The following RUNX3 variants were observed in gnomAD, a reference collection of about 807,000 sequenced individuals.
RUNX3 encodes runt-related transcription factor 3.
A neutral mutation model predicts 27.7 loss-of-function variants in RUNX3; 10 were observed. The observed-to-expected ratio is 0.36, with a 90% CI of 0.22 to 0.61. The LOEUF (loss-of-function observed/expected upper bound fraction) is 0.61, where lower values mean the gene tolerates loss of function less well. RUNX3 is among the 20% of genes least tolerant of loss of function. RUNX3 has a pLI of 0.72. For missense variants in RUNX3, 469 were observed against 629.5 expected (o/e 0.75, Z 2.73); for synonymous variants, 270 against 269.2 (o/e 1.00, Z -0.03).
intron 3 of RUNX3, among the ~76,000 whole-genome samples, chr1:24,915,293 G>A (rs1265000787): frequency 1.3e-5 from 2 of 152,128 alleles, no homozygotes; most frequent in Non-Finnish European, 2.9e-5. Flanking sequence ...GTGTGGTGGC[G>A]TGTGCCTGTA....
chr1:24,908,192 G>A (rs1412142962), intron 3 of RUNX3, among the ~76,000 whole-genome samples: 3 of 146,884 alleles, frequency 2.0e-5, no homozygotes, highest in Non-Finnish European at 4.5e-5. Flanking sequence ...ACGACACGCG[G>A]TGATCCGAAC....
chr1:24,957,175 C>T (rs1317634002), intron 2 of RUNX3, among the ~76,000 whole-genome samples: 3 of 152,220 alleles, frequency 2.0e-5, no homozygotes, highest in African/African-American at 7.2e-5. Context: ...AAGAAAACCC[C>T]AAAGAGGAAC....
intron 2 of RUNX3, among the ~76,000 whole-genome samples, chr1:24,940,124 G>A (rs1641442635): frequency 6.6e-6 from 1 of 152,182 alleles, no homozygotes; most frequent in South Asian, 2.1e-4. Flanking sequence ...AGGTGGCAGG[G>A]ACCATATGGA....
intron 1 of RUNX3, chr1:24,964,734 T>TC (rs869169260): frequency 6.9e-7 from 1 of 1,445,860 alleles, no homozygotes. Flanking sequence ...GTCTCTTTTT[T>TC]CCCCCCTGCT....
rs547931193 is a variant in RUNX3, at chr1:24,945,221, G to T, written c.59-15369C>A. 3.3e-5 allele frequency among the ~76,000 whole-genome samples: 5 copies of T among 152,174 alleles called. No homozygotes were observed. In the East Asian group the frequency reaches 9.6e-4, roughly 29 times the overall value. ...TTAGTATAAAGTTGCCCCAAATATT[G>T]CAATTATTTATCGTTTATCTGAAAT... On this transcript the variant is annotated intron_variant, in intron 2 of 6. Transcript: ENST00000338888.
At chr1:24,913,698 T>C (rs1557839615) in intron 3 of RUNX3, among the ~76,000 whole-genome samples, 3 of 152,186 alleles carry the variant, frequency 2.0e-5, no homozygotes, top group Non-Finnish European at 4.4e-5. Context: ...GTGTGGGAGC[T>C]AGAGGACCAG....
Position 24,901,997 on chromosome 1 carries a change from C to G in RUNX3, c.*125G>C. ...CAGAGGCTCCCACCAGCTGGGACCA[C>G]CCTGGGACCGAGACCACCCTGGAGC... is the stretch of plus-strand genomic sequence containing the variant. On this transcript the variant is annotated 3_prime_UTR_variant, in exon 5 of 5. Coordinates refer to ENST00000308873, the MANE Select transcript of RUNX3 (RefSeq NM_004350.3). The G allele has an allele frequency of 1.1e-6, 1 of 913,746 alleles. No individual in the cohort carries two copies. The highest frequency in any genetic ancestry group is 1.6e-6 in the Non-Finnish European group (1 of 623,566). 56.6% of individuals were successfully genotyped at this position (913,746 alleles called of 1,614,324 possible). A position where few individuals can be genotyped will look rare whatever the true frequency, so the allele number is the denominator to read the frequency against.
At chr1:24,961,638 G>C (rs1327057367) in intron 2 of RUNX3, 1 of 152,218 alleles carries the variant, frequency 6.6e-6, no homozygotes, top group Non-Finnish European at 1.5e-5. Context: ...ATCGCTTTAG[G>C]GGATTTGCAA....
chr1:24,954,597 T>A (rs1215035781), intron 2 of RUNX3, among the ~76,000 whole-genome samples: 2 of 152,226 alleles, frequency 1.3e-5, no homozygotes, highest in Non-Finnish European at 2.9e-5. Flanking sequence ...TTTTGCACTG[T>A]GCCCTGAAAA....
rs1166294927 is a variant in RUNX3, at chr1:24,962,814, G to A, written c.58+1700C>T. ...TACTGCCAGCCACCTCCCAGGCTCC[G>A]AGGATCAGGACCCAGCCCAGGCCGA... is the stretch of plus-strand genomic sequence containing the variant. On this transcript the variant is annotated intron_variant, in intron 2 of 6. Transcript: ENST00000338888. The surrounding 1 kb of genome is among the most constrained non-coding windows in gnomAD (Gnocchi z 4.5). 1.3e-5 allele frequency among the ~76,000 whole-genome samples: 2 copies of A among 152,174 alleles called. No homozygotes were observed. The highest frequency in any genetic ancestry group is 2.9e-5 in the Non-Finnish European group (2 of 68,018).
At chr1:24,961,579 T>C (rs1642114007) in intron 2 of RUNX3, 1 of 152,208 alleles carries the variant, frequency 6.6e-6, no homozygotes, top group South Asian at 2.1e-4. Context: ...GGTAGGGGAC[T>C]GGGCTTCCCT....
At chr1:24,929,186 G>A (rs2124306002) in intron 1 of RUNX3, 2 of 483,298 alleles carry the variant, frequency 4.1e-6, no homozygotes, top group Non-Finnish European at 4.1e-6. Context: ...TGCTGGAGGC[G>A]GAGGGTAGGC....
chr1:24,921,074 A>C (rs1335840988), intron 2 of RUNX3, among the ~76,000 whole-genome samples: 1 of 152,150 alleles, frequency 6.6e-6, no homozygotes, highest in Non-Finnish European at 1.5e-5. Context: ...CCTGTACCCC[A>C]GGGCTGGCAC....
chr1:24,924,146 C>G (rs1010142224), intron 2 of RUNX3, among the ~76,000 whole-genome samples: 1 of 152,140 alleles, frequency 6.6e-6, no homozygotes, highest in Non-Finnish European at 1.5e-5. Flanking sequence ...GCAGGAGGAT[C>G]GCTTGAGTCC....
upstream of RUNX3, among the ~76,000 whole-genome samples, chr1:24,934,641 T>C (rs937286370): frequency 3.3e-5 from 5 of 152,206 alleles, no homozygotes; most frequent in African/African-American, 9.6e-5. Flanking sequence ...GTAGGTGTTA[T>C]GCCCATGTAA....
upstream of RUNX3, among the ~76,000 whole-genome samples, chr1:24,934,221 T>C (rs1641295364): frequency 6.6e-6 from 1 of 152,128 alleles, no homozygotes; most frequent in African/African-American, 2.4e-5. Flanking sequence ...TAATGAAAAA[T>C]GGCAATATAT....
chr1:24,913,210 G>A (rs539136784), intron 3 of RUNX3, among the ~76,000 whole-genome samples: 1 of 152,368 alleles, frequency 6.6e-6, no homozygotes, highest in Non-Finnish European at 1.5e-5. Context: ...CTCAGGGCCT[G>A]TCCTGGCTGC....
At position 24,916,302 on chromosome 1, in the gene RUNX3, G is replaced by A. The variant is rs535094170; in HGVS notation, c.544+2938C>T. On this transcript the variant is annotated intron_variant, in intron 3 of 4. Coordinates refer to ENST00000308873, the MANE Select transcript of RUNX3 (RefSeq NM_004350.3). The surrounding 1 kb of genome is among the most constrained non-coding windows in gnomAD (Gnocchi z 4.8). ...GGTAAACTCAGTCAACCTTCACAGC[G>A]ACTCCCCTAGGCAGACACCAATACC... is the stretch of plus-strand genomic sequence containing the variant. Among the ~76,000 whole-genome samples the A allele has an allele frequency of 3.9e-5, 6 of 152,302 alleles. No individual in the cohort carries two copies. The East Asian group carries it at 5.8e-4, about 15-fold the overall frequency.
chr1:24,916,520 G>A lies in RUNX3; in HGVS notation c.544+2720C>T, dbSNP rs1056391302. On this transcript the variant is annotated intron_variant, in intron 3 of 4. Coordinates refer to ENST00000308873, the MANE Select transcript of RUNX3 (RefSeq NM_004350.3). This position sits in a 1 kb window ranked among gnomAD's most constrained non-coding sequence, Gnocchi z 4.8. Reference sequence around the variant, plus strand: ...CTGGGGACTTTGCACAGGGCCTGACGCAAGGGAGGGGGTTGCTCAGTGACC... The same window carrying A: ...CTGGGGACTTTGCACAGGGCCTGACACAAGGGAGGGGGTTGCTCAGTGACC... 6.6e-6 allele frequency among the ~76,000 whole-genome samples: 1 copy of A among 152,168 alleles called. No homozygotes were observed. Among genetic ancestry groups the A allele is most frequent in the East Asian group, 1.9e-4 (1 of 5,180 alleles).
Sources: allele counts gnomAD v4.1 joint callset (sites outside exome capture counted in the v4.1 genomes callset), GRCh38; gene constraint gnomAD v4.1.1; non-coding constraint Gnocchi (gnomAD v3.1); transcripts MANE v1.5; gene names NCBI Gene and HGNC (gene_info 2026-07-23, HGNC 2026-07-21).